The following YIPF6 variants were observed in gnomAD, a reference collection of about 807,000 sequenced individuals.
The protein encoded by YIPF6 is protein YIPF6.
YIPF6 carries 3 observed loss-of-function variants against 16.8 expected under a neutral mutation model. The ratio of observed to expected loss-of-function variants is 0.18; its 90% confidence interval spans 0.08 to 0.46. The LOEUF is 0.46. Ranked by LOEUF, YIPF6 falls within the 20% of genes least tolerant of loss-of-function variation. The pLI is 0.98. For missense variants in YIPF6, 145 were observed against 184.9 expected, an observed-to-expected ratio of 0.78 and a Z score of 1.25; for synonymous variants, 67 against 61.9, an observed-to-expected ratio of 1.08 and a Z score of -0.38.
In YIPF6 at chrX:68,522,643, T is replaced by A; in HGVS notation, c.435-117T>A. The A allele has an allele frequency of 1.9e-5, 13 of 674,330 alleles. No individual in the cohort carries two copies. The South Asian group carries it at 4.1e-4, about 21-fold the overall frequency. 55.6% of individuals were successfully genotyped at this position (674,330 alleles called of 1,213,427 possible). A position where few individuals can be genotyped will look rare whatever the true frequency, so the allele number is the denominator to read the frequency against. ...TTAATAATTAATGTTAGGATGTAGA[T>A]GTTATGTACCAAGAAGGAGGCAACA... On this transcript the variant is annotated intron_variant, in intron 5 of 6. Transcript: ENST00000462683.
intron 6 of YIPF6, among the ~76,000 whole-genome samples, chrX:68,523,761 A>G (rs2079136224): frequency 8.9e-6 from 1 of 112,162 alleles, no homozygotes; most frequent in Admixed American, 9.5e-5. Context: ...GAAAGCTAAG[A>G]AGTAATCCAA....
intron 1 of YIPF6, among the ~76,000 whole-genome samples, chrX:68,507,234 T>G (rs1219790623): frequency 1.8e-5 from 2 of 111,906 alleles, no homozygotes; most frequent in Non-Finnish European, 3.8e-5. Context: ...TGACCCCTGC[T>G]TTAGGCAATT....
Position 68,522,744 on chromosome X carries a change from G to T in YIPF6, c.435-16G>T, listed in dbSNP as rs200013040. 8.4e-4 allele frequency: 991 copies of T among 1,186,362 alleles called. No individual in the cohort carries two copies. Among genetic ancestry groups the T allele is most frequent in the Non-Finnish European group, 1.0e-3 (896 of 884,243 alleles). ...AGTTGTATTTATGATCTTTATTAAT[G>T]TATTTTGTTTTTAAGATCTTTTTTT... is the stretch of plus-strand genomic sequence containing the variant. On this transcript the variant is annotated splice_polypyrimidine_tract_variant and intron_variant, in intron 5 of 6. Coordinates refer to ENST00000462683, the MANE Select transcript of YIPF6 (RefSeq NM_173834.4).
intron 1 of YIPF6, among the ~76,000 whole-genome samples, chrX:68,509,706 C>T (rs1427575428): frequency 9.0e-6 from 1 of 111,411 alleles, no homozygotes; most frequent in Non-Finnish European, 1.9e-5. Context: ...GGTCTGGGCC[C>T]AGGATGGTTT....
At chrX:68,521,607 T>A in intron 5 of YIPF6, 110 bp downstream of exon 5, 2 of 840,192 alleles carry the variant, frequency 2.4e-6, no homozygotes, top group Non-Finnish European at 3.3e-6. Context: ...AGGGTGTCAC[T>A]CTGTCACCCA....
chrX:68,511,842 T>G lies in YIPF6; in HGVS notation c.58-7T>G. The G allele has an allele frequency of 2.5e-6, 3 of 1,196,011 alleles. No individual in the cohort carries two copies. The highest frequency in any genetic ancestry group is 1.1e-6 in the Non-Finnish European group (1 of 890,150). On this transcript the variant is annotated splice_region_variant and splice_polypyrimidine_tract_variant and intron_variant, in intron 1 of 6. Coordinates refer to ENST00000462683, the MANE Select transcript of YIPF6 (RefSeq NM_173834.4). ...AGGCTTACTTTTTTTCCCCTGACTC[T>G]TCTCAGTTTGCAGGCCTTTCAGATA... is the stretch of plus-strand genomic sequence containing the variant.
In YIPF6 at chrX:68,511,844, C is replaced by T; in HGVS notation, c.58-5C>T. On this transcript the variant is annotated splice_region_variant and splice_polypyrimidine_tract_variant and intron_variant, in intron 1 of 6. Transcript: ENST00000462683. ...GCTTACTTTTTTTCCCCTGACTCTT[C>T]TCAGTTTGCAGGCCTTTCAGATATA... is the stretch of plus-strand genomic sequence containing the variant. The T allele has an allele frequency of 2.5e-6, 3 of 1,195,250 alleles. No individual in the cohort carries two copies. The highest frequency in any genetic ancestry group is 3.4e-6 in the Non-Finnish European group (3 of 889,780).
At chrX:68,529,586 C>G (rs1023887862) in intron 6 of YIPF6, among the ~76,000 whole-genome samples, 1 of 111,314 alleles carries the variant, frequency 9.0e-6, no homozygotes, top group Non-Finnish European at 1.9e-5. Flanking sequence ...CCTTTTTGTG[C>G]TGGTTTTTCC....
chrX:68,517,462 A>T (rs1329847580), intron 3 of YIPF6, among the ~76,000 whole-genome samples: 1 of 112,258 alleles, frequency 8.9e-6, no homozygotes, highest in Non-Finnish European at 1.9e-5. Context: ...CTTTTGATTG[A>T]GGACCATGTT....
At chrX:68,518,852 A>G in intron 4 of YIPF6, 40 bp downstream of exon 4, 1 of 1,128,047 alleles carries the variant, frequency 8.9e-7, no homozygotes, top group South Asian at 2.2e-5. Flanking sequence ...TTTGAGCTAG[A>G]CTAGACTTTT....
At chrX:68,516,152 C>T (rs1038087257) in intron 3 of YIPF6, among the ~76,000 whole-genome samples, 3 of 111,311 alleles carry the variant, frequency 2.7e-5, no homozygotes, top group African/African-American at 9.8e-5. Flanking sequence ...AAACAAACCA[C>T]ATTTTTTTAG....
chrX:68,503,116 G>T (rs1317377596), intron 1 of YIPF6, among the ~76,000 whole-genome samples: 1 of 112,038 alleles, frequency 8.9e-6, no homozygotes, highest in Non-Finnish European at 1.9e-5. Context: ...TGAAGGGGCT[G>T]GCTGGAGACC....
intron 2 of YIPF6, 59 bp downstream of exon 2, chrX:68,512,036 G>A (rs1426571865): frequency 1.9e-6 from 2 of 1,050,321 alleles, no homozygotes; most frequent in African/African-American, 3.8e-5. Flanking sequence ...GTAACTAATA[G>A]TACTTTGCAA....
At chrX:68,508,889 G>A (rs1316924955) in intron 1 of YIPF6, among the ~76,000 whole-genome samples, 2 of 111,421 alleles carry the variant, frequency 1.8e-5, no homozygotes, top group Admixed American at 9.6e-5. Flanking sequence ...GATATTGAAC[G>A]CTGGACATCA....
chrX:68,521,439 A>G lies in YIPF6; in HGVS notation c.376A>G (p.Ile126Val). Reference sequence around the variant, plus strand: ...GCCCCAATTTGCAGAGGTGTTTGTCATTGTCTGGTTTGGTGCAGTTACCAT... The same window carrying G: ...GCCCCAATTTGCAGAGGTGTTTGTCGTTGTCTGGTTTGGTGCAGTTACCAT... Reference protein sequence around the residue: ...GGPQFAEVFVIVWFGAVTITL... With the variant: ...GGPQFAEVFVVVWFGAVTITL... Residue 126 changes from isoleucine to valine, a missense_variant, in exon 5 of 7, where the codon ATT (isoleucine) becomes GTT (valine). Transcript: ENST00000462683. 5.8e-6 allele frequency: 7 copies of G among 1,211,283 alleles called. No homozygotes were observed. The highest frequency in any genetic ancestry group is 3.5e-5 in the South Asian group (2 of 56,932).
chrX:68,518,513 G>A (rs752276673), intron 3 of YIPF6, among the ~76,000 whole-genome samples: 5 of 110,843 alleles, frequency 4.5e-5, no homozygotes, highest in African/African-American at 9.9e-5. Flanking sequence ...TAATTATAGC[G>A]TGCCAGCATG....
chrX:68,521,299 T>G (rs2147824012), intron 4 of YIPF6, 73 bp from the exon 5 acceptor site: 1 of 1,135,187 alleles, frequency 8.8e-7, no homozygotes, highest in Non-Finnish European at 1.2e-6. Flanking sequence ...ATTCAAAGTT[T>G]GAGAACCCAT....
chrX:68,511,573 G>A (rs758661766), intron 1 of YIPF6, among the ~76,000 whole-genome samples: 1 of 112,247 alleles, frequency 8.9e-6, no homozygotes, highest in Admixed American at 9.5e-5. Flanking sequence ...TCTCAGTCTT[G>A]CTAGCTTGTG....
At chrX:68,502,538 C>T (rs1231258957) in intron 1 of YIPF6, among the ~76,000 whole-genome samples, 3 of 111,014 alleles carry the variant, frequency 2.7e-5, no homozygotes, top group African/African-American at 9.8e-5. Context: ...TATAGTGACA[C>T]TCTGAACAAA....
Sources: gnomAD v4.1 joint callset for allele counts (sites outside exome capture counted in the v4.1 genomes callset) on GRCh38, gnomAD v4.1.1 for gene constraint, MANE v1.5 for transcripts, NCBI Gene and HGNC (gene_info 2026-07-23, HGNC 2026-07-21) for gene names.